GRID2: variants seen among roughly 807,000 people sequenced by gnomAD.
GRID2 encodes glutamate receptor ionotropic, delta-2.
Under a neutral mutation model 114.8 loss-of-function variants are expected in GRID2, and 33 were observed. The ratio of observed to expected loss-of-function variants is 0.29; its 90% CI spans 0.22 to 0.38. GRID2 has a LOEUF of 0.38. Ranked by LOEUF, GRID2 falls within the 10% of genes least tolerant of loss-of-function variation. The probability of loss-of-function intolerance (pLI) is 1.00; values close to 1 mark genes in which losing one functional copy is unlikely to be tolerated. For missense variants in GRID2, 1,184 were observed against 1,257.7 expected, an observed-to-expected ratio of 0.94 and a Z score of 0.89; for synonymous variants, 505 against 449.9, an observed-to-expected ratio of 1.12 and a Z score of -1.55.
intron 2 of GRID2, among the ~76,000 whole-genome samples, chr4:93,052,745 G>C (rs1726844256): frequency 6.6e-6 from 1 of 151,854 alleles, no homozygotes. Context: ...CTGATTCTCT[G>C]AATTTTAAAA....
chr4:92,662,716 A>G (rs543130858), intron 2 of GRID2, among the ~76,000 whole-genome samples: 64 of 151,214 alleles, frequency 4.2e-4, no homozygotes, highest in Non-Finnish European at 8.0e-4. Flanking sequence ...GAATTTATGG[A>G]TTATCTGGAA....
intron 2 of GRID2, among the ~76,000 whole-genome samples, chr4:92,720,364 T>C (rs1735752574): frequency 6.6e-6 from 1 of 152,080 alleles, no homozygotes; most frequent in African/African-American, 2.4e-5. Flanking sequence ...ACAGTAATTC[T>C]TTAAAATACG....
intron 1 of GRID2, among the ~76,000 whole-genome samples, chr4:92,588,207 A>C: frequency 6.6e-6 from 1 of 152,258 alleles, no homozygotes; most frequent in Non-Finnish European, 1.5e-5. Context: ...TAGGTCAAAC[A>C]TTTATTGTCT....
chr4:93,529,004 T>A (rs2149511011), intron 13 of GRID2, among the ~76,000 whole-genome samples: 1 of 152,300 alleles, frequency 6.6e-6, no homozygotes, highest in African/African-American at 2.4e-5. Context: ...CTGATTAGTG[T>A]CAATATTTAT....
At chr4:93,347,036 T>A (rs1042038484) in intron 8 of GRID2, among the ~76,000 whole-genome samples, 1 of 152,078 alleles carries the variant, frequency 6.6e-6, no homozygotes, top group African/African-American at 2.4e-5. Context: ...TTTCGGTCTT[T>A]CCTTGCCTCA....
At chr4:92,624,455 T>C (rs1730423766) in intron 2 of GRID2, among the ~76,000 whole-genome samples, 1 of 151,908 alleles carries the variant, frequency 6.6e-6, no homozygotes, top group South Asian at 2.1e-4. Flanking sequence ...AAAGTGATTG[T>C]GGTTAGCATG....
At chr4:92,327,989 T>G (rs1249928585) in intron 1 of GRID2, among the ~76,000 whole-genome samples, 1 of 152,166 alleles carries the variant, frequency 6.6e-6, no homozygotes, top group Non-Finnish European at 1.5e-5. Flanking sequence ...CATAAAAGAT[T>G]ATTTTTACCA....
intron 14 of GRID2, among the ~76,000 whole-genome samples, chr4:93,672,387 G>A (rs935706466): frequency 6.6e-5 from 10 of 152,232 alleles, no homozygotes; most frequent in Non-Finnish European, 1.5e-4. Flanking sequence ...GTGCATGTGG[G>A]CAAGAACCCC....
At chr4:93,492,358 A>T (rs1727091230) in intron 12 of GRID2, among the ~76,000 whole-genome samples, 2 of 151,902 alleles carry the variant, frequency 1.3e-5, no homozygotes, top group Non-Finnish European at 2.9e-5. Flanking sequence ...TAACTCACCC[A>T]AAGCCTGCAG....
Position 92,751,506 on chromosome 4 carries a change from T to C in GRID2, c.244+161220T>C, listed in dbSNP as rs564247623. 2.6e-5 allele frequency among the ~76,000 whole-genome samples: 4 copies of C among 152,300 alleles called. No homozygotes were observed. The South Asian group carries it at 6.2e-4, about 24-fold the overall frequency. On this transcript the variant is annotated intron_variant, in intron 2 of 15. Transcript: ENST00000282020. ...ATTTACAAAATATAAAACTTCCAAGTTGAGTAACTGCAAAGAGATAGTTCT... is the reference window on the plus strand; with the variant it reads ...ATTTACAAAATATAAAACTTCCAAGCTGAGTAACTGCAAAGAGATAGTTCT...
intron 1 of GRID2, among the ~76,000 whole-genome samples, chr4:92,397,916 T>C (rs550938975): frequency 4.0e-4 from 60 of 149,868 alleles, no homozygotes; most frequent in Non-Finnish European, 3.1e-4. Flanking sequence ...TCCAAGTTAA[T>C]GTGGCCTGGG....
intron 8 of GRID2, among the ~76,000 whole-genome samples, chr4:93,324,386 C>T (rs1302438615): frequency 6.6e-6 from 1 of 152,112 alleles, no homozygotes; most frequent in African/African-American, 2.4e-5. Context: ...CCTTGCATCG[C>T]AGGGATGAAG....
intron 14 of GRID2, among the ~76,000 whole-genome samples, chr4:93,753,826 C>T (rs12505204): frequency 0.32 from 47,948 of 152,046 alleles, 7,970 homozygotes; most frequent in Middle Eastern, 0.46. Context: ...CTTGAGAGCC[C>T]TTTGGGCCAG....
chr4:92,739,793 C>G (rs1478739095), intron 2 of GRID2, among the ~76,000 whole-genome samples: 1 of 152,056 alleles, frequency 6.6e-6, no homozygotes, highest in East Asian at 1.9e-4. Flanking sequence ...GATTCTTCCT[C>G]TCATGTAACA....
At chr4:92,601,808 C>T (rs1332525826) in intron 2 of GRID2, among the ~76,000 whole-genome samples, 1 of 151,856 alleles carries the variant, frequency 6.6e-6, no homozygotes, top group Admixed American at 6.6e-5. Context: ...CAAATAGACA[C>T]AAGAAAAATG....
chr4:93,662,497 T>G (rs1266648304), intron 14 of GRID2, among the ~76,000 whole-genome samples: 1 of 152,196 alleles, frequency 6.6e-6, no homozygotes, highest in Non-Finnish European at 1.5e-5. Context: ...AAGCTCTATC[T>G]TGATCTGCTT....
chr4:92,698,129 A>T (rs972157412), intron 2 of GRID2, among the ~76,000 whole-genome samples: 1 of 152,110 alleles, frequency 6.6e-6, no homozygotes, highest in South Asian at 2.1e-4. Context: ...GACTTTGCTT[A>T]GTTTGGTTGT....
chr4:93,703,957 C>T (rs960172038), intron 14 of GRID2, among the ~76,000 whole-genome samples: 5 of 152,120 alleles, frequency 3.3e-5, no homozygotes, highest in African/African-American at 9.6e-5. Context: ...GATAAACATA[C>T]GTGTGCATGT....
chr4:93,561,359 T>C (rs1734908616), intron 13 of GRID2, among the ~76,000 whole-genome samples: 1 of 152,148 alleles, frequency 6.6e-6, no homozygotes, highest in African/African-American at 2.4e-5. Flanking sequence ...ATTGTGTTTA[T>C]CATAATTTTA....
Sources: allele counts gnomAD v4.1 joint callset (sites outside exome capture counted in the v4.1 genomes callset), GRCh38; gene constraint gnomAD v4.1.1; transcripts MANE v1.5; gene names NCBI Gene and HGNC (gene_info 2026-07-23, HGNC 2026-07-21).